The following SH3KBP1 variants were observed in gnomAD, a reference collection of about 807,000 sequenced individuals.
The protein encoded by SH3KBP1 is SH3 domain-containing kinase-binding protein 1.
In SH3KBP1, 8 loss-of-function variants were observed where a neutral mutation model predicts 50.1. The ratio of observed to expected loss-of-function variants is 0.16; its 90% CI spans 0.09 to 0.29. SH3KBP1 has a LOEUF of 0.29. Ranked by LOEUF, SH3KBP1 falls within the 10% of genes least tolerant of loss-of-function variation. The probability of loss-of-function intolerance (pLI) is 1.00; values close to 1 mark genes in which losing one functional copy is unlikely to be tolerated. For synonymous variants in SH3KBP1, 227 were observed against 218.6 expected (o/e 1.04, Z -0.34); for missense variants, 377 against 535.2 (o/e 0.70, Z 2.92).
At chrX:19,595,394 A>G (rs1298696170) in intron 9 of SH3KBP1, among the ~76,000 whole-genome samples, 1 of 112,336 alleles carries the variant, frequency 8.9e-6, no homozygotes, top group Non-Finnish European at 1.9e-5. Flanking sequence ...TAAAGATTCA[A>G]AATTGAATCT....
At chrX:19,554,686 G>C (rs1364101578) in intron 13 of SH3KBP1, among the ~76,000 whole-genome samples, 1 of 111,450 alleles carries the variant, frequency 9.0e-6, no homozygotes, top group East Asian at 2.8e-4. Context: ...ACAGGCGTGA[G>C]CCACTACACC....
rs2062418820 is a variant in SH3KBP1 at position 19,660,474 on chromosome X, A to C, written c.727-14999T>G. Among the ~76,000 whole-genome samples, 3 of 111,829 alleles carry C rather than the reference A, an allele frequency of 2.7e-5. No individual in the cohort carries two copies. In the South Asian group the frequency reaches 1.1e-3, roughly 42 times the overall value. On this transcript the variant is annotated intron_variant, in intron 6 of 17. Coordinates refer to ENST00000397821, the MANE Select transcript of SH3KBP1 (RefSeq NM_031892.3). ...CAGACATGCTGGGAGGAAAGCGATA[A>C]CTGAAAAATGGAAAGAGAAGGAAAG...
At chrX:19,662,292 C>T (rs745919108) in intron 6 of SH3KBP1, among the ~76,000 whole-genome samples, 1 of 112,068 alleles carries the variant, frequency 8.9e-6, no homozygotes, top group Admixed American at 9.5e-5. Context: ...AGTATTGAGA[C>T]ATTGTATCAA....
intron 5 of SH3KBP1, among the ~76,000 whole-genome samples, chrX:19,685,917 T>A (rs1377368134): frequency 9.0e-6 from 1 of 111,717 alleles, no homozygotes; most frequent in African/African-American, 3.3e-5. Flanking sequence ...ATTTTAGTTT[T>A]TCAAAGAGAA....
chrX:19,876,414 CAA>C (rs1460995150), intron 1 of SH3KBP1, among the ~76,000 whole-genome samples: 1 of 111,368 alleles, frequency 9.0e-6, no homozygotes, highest in Non-Finnish European at 1.9e-5. Context: ...AGATCCAGGA[CAA>C]AGTTTCTGTC....
intron 2 of SH3KBP1, among the ~76,000 whole-genome samples, chrX:19,788,760 C>T (rs1468085913): frequency 8.9e-6 from 1 of 112,288 alleles, no homozygotes; most frequent in Non-Finnish European, 1.9e-5. Context: ...CTATAAAGTA[C>T]CAATCTCTGA....
intron 5 of SH3KBP1, among the ~76,000 whole-genome samples, chrX:19,692,027 A>G (rs1237389588): frequency 8.9e-6 from 1 of 111,921 alleles, no homozygotes; most frequent in Non-Finnish European, 1.9e-5. Context: ...AATTTTCAAT[A>G]ATAAAAAAGT....
chrX:19,646,247 C>T (rs780530428), intron 6 of SH3KBP1, among the ~76,000 whole-genome samples: 5 of 112,054 alleles, frequency 4.5e-5, no homozygotes, highest in African/African-American at 1.3e-4. Context: ...CCTTCATTTG[C>T]GGCTAATTCT....
intron 8 of SH3KBP1, among the ~76,000 whole-genome samples, chrX:19,629,422 G>A: frequency 8.9e-6 from 1 of 111,882 alleles, no homozygotes; most frequent in Non-Finnish European, 1.9e-5. Flanking sequence ...AGGGGCTGAG[G>A]TGCTAGGGAT....
rs751213565 is a variant in SH3KBP1 at position 19,645,374 on chromosome X, T to A, written c.802+26A>T. ...GGAAATCCTTAAATGCTTTTAAATG[T>A]GAAACAGATAACTAAGGAAACTCAC... On this transcript the variant is annotated intron_variant, in intron 7 of 17. Transcript: ENST00000397821. 4 of 1,097,164 alleles carry A rather than the reference T, an allele frequency of 3.6e-6. No individual in the cohort carries two copies. The South Asian group carries it at 7.5e-5, about 21-fold the overall frequency. The allele number at this position is 1,097,164 out of a possible 1,213,427, so 90.4% of individuals were successfully genotyped here.
chrX:19,820,070 AC>A (rs1294862862), intron 2 of SH3KBP1, among the ~76,000 whole-genome samples: 3 of 111,796 alleles, frequency 2.7e-5, no homozygotes, highest in Non-Finnish European at 5.6e-5. Flanking sequence ...GTCAAAGAAC[AC>A]CTTTTTTATT....
At chrX:19,674,231 G>C (rs909574759) in intron 6 of SH3KBP1, among the ~76,000 whole-genome samples, 16 of 111,084 alleles carry the variant, frequency 1.4e-4, no homozygotes, top group Non-Finnish European at 2.8e-4. Context: ...CCATTCCGAT[G>C]AACCACACCA....
Position 19,859,890 on chromosome X carries a change from G to C in SH3KBP1, c.5-23608C>G, listed in dbSNP as rs188567288. Among the ~76,000 whole-genome samples, 390 of 111,258 alleles carry C rather than the reference G, an allele frequency of 3.5e-3. 4 individuals are homozygous for C. Among genetic ancestry groups the C allele is most frequent in the Non-Finnish European group, 8.3e-4 (44 of 53,029 alleles). ...TGCTTCTGTGAAAGCCTCAGTCAGG[G>C]ATGGGAAACACAAAATAGTGCCTTT... On this transcript the variant is annotated intron_variant, in intron 1 of 17. Transcript: ENST00000397821.
At chrX:19,579,959 C>T (rs1424259824) in intron 12 of SH3KBP1, among the ~76,000 whole-genome samples, 2 of 111,908 alleles carry the variant, frequency 1.8e-5, no homozygotes, top group Non-Finnish European at 3.8e-5. Flanking sequence ...TCTCAAGTTG[C>T]CAGGCAATGA....
Position 19,554,080 on chromosome X carries a change from T to TC in SH3KBP1, c.1385-3998_1385-3997insG, listed in dbSNP as rs1555983138. Among the ~76,000 whole-genome samples, 42 of 56,629 alleles carry TC rather than the reference T, an allele frequency of 7.4e-4. 1 individual carries two copies. The highest frequency in any genetic ancestry group is 9.7e-4 in the Non-Finnish European group (36 of 37,170). The allele number at this position is 56,629 out of a possible 115,157, so 49.2% of individuals were successfully genotyped here. ...ATTATATATATTAAAATACATTATA[T>TC]ATATTAAAATATAATATTATATATC... is the stretch of plus-strand genomic sequence containing the variant. On this transcript the variant is annotated intron_variant, in intron 13 of 17. Coordinates refer to ENST00000397821, the MANE Select transcript of SH3KBP1 (RefSeq NM_031892.3).
At chrX:19,875,046 C>T (rs1472586798) in intron 1 of SH3KBP1, among the ~76,000 whole-genome samples, 2 of 110,908 alleles carry the variant, frequency 1.8e-5, no homozygotes, top group Non-Finnish European at 3.8e-5. Context: ...TTCTGGAGCG[C>T]ATCTCTACCT....
chrX:19,809,439 A>C (rs1603257263), intron 2 of SH3KBP1, among the ~76,000 whole-genome samples: 1 of 109,935 alleles, frequency 9.1e-6, no homozygotes, highest in Admixed American at 9.7e-5. Flanking sequence ...CAGGAGAATC[A>C]CTTGAACCCG....
intron 2 of SH3KBP1, among the ~76,000 whole-genome samples, chrX:19,760,041 CCT>C (rs745515349): frequency 0.045 from 2,288 of 50,340 alleles, 56 homozygotes; most frequent in Middle Eastern, 0.08. Flanking sequence ...TCTCTCTCTC[CCT>C]CTCTCTCTCT....
At chrX:19,647,922 C>T in intron 6 of SH3KBP1, 2 of 330,043 alleles carry the variant, frequency 6.1e-6, no homozygotes, top group Non-Finnish European at 1.2e-5. Flanking sequence ...GATGCATGCT[C>T]ACATTTGAGA....
Sources: gnomAD v4.1 joint callset for allele counts (sites outside exome capture counted in the v4.1 genomes callset) on GRCh38, gnomAD v4.1.1 for gene constraint, MANE v1.5 for transcripts, NCBI Gene and HGNC (gene_info 2026-07-23, HGNC 2026-07-21) for gene names.